Variants in SAMD9L observed in about 807,000 individuals in gnomAD.
SAMD9L encodes the protein sterile alpha motif domain-containing protein 9-like.
In SAMD9L, 68 loss-of-function variants were observed where a neutral mutation model predicts 90.7. The observed-to-expected ratio is 0.75, with a 90% CI of 0.62 to 0.92. SAMD9L has a LOEUF of 0.92. Ranked by LOEUF, SAMD9L falls within the 40% of genes least tolerant of loss-of-function variation. The pLI is 0.00. For synonymous variants in SAMD9L, 640 were observed against 630.1 expected (o/e 1.02, Z -0.23); for missense variants, 1,604 against 1,824.3 (o/e 0.88, Z 2.20).
chr7:93,140,865 A>G (rs1792662585), intron 4 of SAMD9L, among the ~76,000 whole-genome samples: 1 of 152,084 alleles, frequency 6.6e-6, no homozygotes. Flanking sequence ...TTCCTCATCT[A>G]CTAGATCTCC....
chr7:93,139,144 C>T (rs917325745), intron 4 of SAMD9L, among the ~76,000 whole-genome samples: 1 of 152,042 alleles, frequency 6.6e-6, no homozygotes, highest in Admixed American at 6.6e-5. Context: ...ACACTTGTGT[C>T]CTCAGATACC....
chr7:93,137,033 CAATT>C (rs1476149952), intron 4 of SAMD9L, among the ~76,000 whole-genome samples: 3 of 152,034 alleles, frequency 2.0e-5, no homozygotes, highest in Admixed American at 1.3e-4. Context: ...AAAGATAAAT[CAATT>C]AATTGGTTTA....
rs1449114567 is a variant in SAMD9L, at chr7:93,132,655, G to A, written c.3317C>T (p.Ala1106Val). 5 of 1,613,840 alleles carry A rather than the reference G, an allele frequency of 3.1e-6. No homozygotes were observed. The highest frequency in any genetic ancestry group is 4.2e-6 in the Non-Finnish European group (5 of 1,179,816). ...AGGTGCTTTCATTTTGGCCTGACGT[G>A]CCCAGTCCAGAGCTGTGTTAAAGTC... ...EKDFNTALDW[A>V]RQAKMKAPKN... The change falls in exon 5 of 5, where the codon GCA becomes GTA. Residue 1106 changes from alanine (A) to valine (V), a missense_variant. Ala to Val is a moderately conservative substitution (Grantham distance 64, BLOSUM62 0). Around this residue, in one of 7 missense-constraint regions of SAMD9L, gnomAD observed 302 missense variants for 314.7 expected, o/e 0.96. Coordinates refer to ENST00000318238, the MANE Select transcript of SAMD9L (RefSeq NM_152703.5).
rs760966930 is a variant in SAMD9L at position 93,132,323 on chromosome 7, A to G, written c.3649T>C (p.Phe1217Leu). The change falls in exon 5 of 5, where the codon TTC becomes CTC. Residue 1217 changes from phenylalanine to leucine, a missense_variant. Around this residue, in one of 7 missense-constraint regions of SAMD9L, gnomAD observed 302 missense variants for 314.7 expected, o/e 0.96. Coordinates refer to ENST00000318238, the MANE Select transcript of SAMD9L (RefSeq NM_152703.5). ...TIQILQLTPFFHKENELSKKH... is the reference protein window; with the variant it reads ...TIQILQLTPFLHKENELSKKH... The stretch of plus-strand genomic sequence containing the variant: ...TTGGATAATTCATTTTCTTTGTGGA[A>G]AAAGGGAGTGAGCTGAAGAATCTGG... The G allele has an allele frequency of 2.5e-5, 40 of 1,613,682 alleles. No individual in the cohort carries two copies. Among genetic ancestry groups the G allele is most frequent in the Non-Finnish European group, 2.5e-6 (3 of 1,179,846 alleles).
Position 93,134,141 on chromosome 7 carries a change from T to TG in SAMD9L, c.1830dup (p.Thr611HisfsTer13). 1 of 1,613,940 alleles carries TG rather than the reference T, an allele frequency of 6.2e-7. No homozygotes were observed. Among genetic ancestry groups the TG allele is most frequent in the East Asian group, 2.2e-5 (1 of 44,872 alleles). ...CTGTTTACCAGTTCTATATTTAAAG[T>TG]GGAAATACTGTGGTTTGTTAGTTCA... is the stretch of plus-strand genomic sequence containing the variant. On this transcript the variant is annotated frameshift_variant, in exon 5 of 5. Transcript: ENST00000318238. LOFTEE classifies it high-confidence loss of function.
Position 93,133,096 on chromosome 7 carries a change from C to T in SAMD9L, c.2876G>A (p.Ser959Asn), listed in dbSNP as rs1792215473. 1 of 1,612,840 alleles carries T rather than the reference C, an allele frequency of 6.2e-7. No homozygotes were observed. The highest frequency in any genetic ancestry group is 1.3e-5 in the African/African-American group (1 of 74,998). ...IYTSTPWEPE[S>N]LEDKMGTYST... ...ATAAGTTCCCATCTTGTCTTCTAAG[C>T]TTTCAGGTTCCCAGGGTGTACTAGT... The change falls in exon 5 of 5, where the codon AGC becomes AAC. Residue 959 changes from serine (S) to asparagine (N), a missense_variant. Coordinates refer to ENST00000318238, the MANE Select transcript of SAMD9L (RefSeq NM_152703.5).
rs775595882 is a variant in SAMD9L, at chr7:93,131,996, C to T, written c.3976G>A (p.Glu1326Lys). ...QSKESQLLQE[E>K]NCRKKLEALR... Reference sequence around the variant, plus strand: ...GCTTCTAGCTTTTTCCTGCAATTCTCCTCCTGGAGTAATTGACTCTCTTTA... The same window carrying T: ...GCTTCTAGCTTTTTCCTGCAATTCTTCTCCTGGAGTAATTGACTCTCTTTA... Residue 1326 changes from glutamate (E) to lysine (K), a missense_variant, in exon 5 of 5, where the codon GAG (glutamate) becomes AAG (lysine). Coordinates refer to ENST00000318238, the MANE Select transcript of SAMD9L (RefSeq NM_152703.5). 9 of 1,612,426 alleles carry T rather than the reference C, an allele frequency of 5.6e-6. No individual in the cohort carries two copies. The Admixed American group carries it at 1.0e-4, about 18-fold the overall frequency.
chr7:93,142,846 C>T (rs1337889278), intron 4 of SAMD9L, among the ~76,000 whole-genome samples: 1 of 152,180 alleles, frequency 6.6e-6, no homozygotes, highest in African/African-American at 2.4e-5. Context: ...TAGCCAGTGT[C>T]CTCTCTCAGT....
rs535880866 is a variant in SAMD9L, at chr7:93,132,409, C to A, written c.3563G>T (p.Arg1188Leu). Reference sequence around the variant, plus strand: ...ACAAGCTGTGTTATACATGTCATATCGTCTCTGGGACTTCTGTGGTGACCA... The same window carrying A: ...ACAAGCTGTGTTATACATGTCATATAGTCTCTGGGACTTCTGTGGTGACCA... Reference protein sequence around the residue: ...ENWSPQKSQRRYDMYNTACFL... With the variant: ...ENWSPQKSQRLYDMYNTACFL... The change falls in exon 5 of 5, where the codon CGA becomes CTA. Residue 1188 changes from arginine to leucine, a missense_variant. Coordinates refer to ENST00000318238, the MANE Select transcript of SAMD9L (RefSeq NM_152703.5). 6.2e-7 allele frequency: 1 copy of A among 1,613,720 alleles called. No homozygotes were observed. Among genetic ancestry groups the A allele is most frequent in the Non-Finnish European group, 8.5e-7 (1 of 1,179,790 alleles).
rs749149745 is a variant in SAMD9L at position 93,134,807 on chromosome 7, T to A, written c.1165A>T (p.Met389Leu). 1 of 1,613,760 alleles carries A rather than the reference T, an allele frequency of 6.2e-7. No individual in the cohort carries two copies. Among genetic ancestry groups the A allele is most frequent in the Admixed American group, 1.7e-5 (1 of 59,996 alleles). ...EAEEEYGMKA[M>L]KKESEGLKLV... ...TTTAGTCCTTCACTCTCCTTCTTCATTGCCTTCATTCCATACTCTTCTTCA... is the reference window on the plus strand; with the variant it reads ...TTTAGTCCTTCACTCTCCTTCTTCAATGCCTTCATTCCATACTCTTCTTCA... The change falls in exon 5 of 5, where the codon ATG (methionine) becomes TTG (leucine). Residue 389 changes from methionine (M) to leucine (L), a missense_variant. By Grantham distance (15) the Met-to-Leu change is conservative. Transcript: ENST00000318238.
intron 4 of SAMD9L, among the ~76,000 whole-genome samples, chr7:93,136,565 G>T (rs184383833): frequency 3.2e-4 from 48 of 152,294 alleles, no homozygotes; most frequent in Non-Finnish European, 6.0e-4. Flanking sequence ...GCTAATTCTT[G>T]TGTTCTCAGA....
rs759843182 is a variant in SAMD9L at position 93,135,592 on chromosome 7, C to G, written c.380G>C (p.Arg127Thr). The change falls in exon 5 of 5, where the codon AGA becomes ACA. Residue 127 changes from arginine (R) to threonine (T), a missense_variant. By Grantham distance (71) the Arg-to-Thr change is moderately conservative. Coordinates refer to ENST00000318238, the MANE Select transcript of SAMD9L (RefSeq NM_152703.5). ...SNIDYDPREI[R>T]DIKQEESILM... Reference sequence around the variant, plus strand: ...AATTGATTCTTCTTGTTTGATATCTCTGATCTCTCTGGGATCATAATCAAT... The same window carrying G: ...AATTGATTCTTCTTGTTTGATATCTGTGATCTCTCTGGGATCATAATCAAT... 1.9e-6 allele frequency: 3 copies of G among 1,613,786 alleles called. No individual in the cohort carries two copies. The highest frequency in any genetic ancestry group is 8.5e-7 in the Non-Finnish European group (1 of 1,179,888).
At position 93,133,901 on chromosome 7, in the gene SAMD9L, C is replaced by T. The variant is rs762457851; in HGVS notation, c.2071G>A (p.Gly691Ser). ...KSKEEHFYRG[G>S]KVSWWNFYFS... ...TAGAAGTTCCACCAGGATACTTTGC[C>T]ACCTCGATAAAAGTGTTCTTCTTTT... Residue 691 changes from glycine to serine, a missense_variant, in exon 5 of 5, where the codon GGC becomes AGC. By Grantham distance (56) the Gly-to-Ser change is moderately conservative (BLOSUM62 0). This residue lies in a region of SAMD9L where 606 missense variants were observed against 717.6 expected (regional missense o/e 0.84). Coordinates refer to ENST00000318238, the MANE Select transcript of SAMD9L (RefSeq NM_152703.5). 6.2e-7 allele frequency: 1 copy of T among 1,613,754 alleles called. No individual in the cohort carries two copies. Among genetic ancestry groups the T allele is most frequent in the Non-Finnish European group, 8.5e-7 (1 of 1,179,872 alleles).
intron 1 of SAMD9L, among the ~76,000 whole-genome samples, chr7:93,147,466 G>C (rs1792936945): frequency 6.6e-6 from 1 of 152,172 alleles, no homozygotes; most frequent in Non-Finnish European, 1.5e-5. Context: ...AACTCTCAGG[G>C]ACAAGCCCAC....
chr7:93,138,101 A>G (rs1174982042), intron 4 of SAMD9L, among the ~76,000 whole-genome samples: 1 of 152,160 alleles, frequency 6.6e-6, no homozygotes, highest in Non-Finnish European at 1.5e-5. Flanking sequence ...GATCACAACT[A>G]GTCCTGGGCC....
Position 93,132,476 on chromosome 7 carries a change from A to T in SAMD9L, c.3496T>A (p.Ser1166Thr). 4 of 1,613,636 alleles carry T rather than the reference A, an allele frequency of 2.5e-6. No homozygotes were observed. The highest frequency in any genetic ancestry group is 3.4e-6 in the Non-Finnish European group (4 of 1,179,758). Residue 1166 changes from serine to threonine, a missense_variant, in exon 5 of 5, where the codon TCC becomes ACC. Physicochemically the swap from Ser to Thr is moderately conservative, Grantham distance 58 (BLOSUM62 1). This residue lies in a region of SAMD9L where 302 missense variants were observed against 314.7 expected (regional missense o/e 0.96). Transcript: ENST00000318238. ...TTTTTACTATCAGTTTGCCTTTGGGATTCTTTGAAAGCTCTTGAGGCTTTT... is the reference window on the plus strand; with the variant it reads ...TTTTTACTATCAGTTTGCCTTTGGGTTTCTTTGAAAGCTCTTGAGGCTTTT... ...AEKASRAFKE[S>T]QRQTDSKNYE...
intron 4 of SAMD9L, among the ~76,000 whole-genome samples, chr7:93,143,165 T>C (rs1792759004): frequency 6.6e-6 from 1 of 152,202 alleles, no homozygotes; most frequent in Non-Finnish European, 1.5e-5. Context: ...AGAAACACCC[T>C]TCTCAAATAG....
In SAMD9L at chr7:93,134,063, CG is replaced by C. The variant is rs1363350495; in HGVS notation, c.1908del (p.Ala637ProfsTer9). The C allele has an allele frequency of 4.3e-6, 7 of 1,613,652 alleles. No individual in the cohort carries two copies. The Admixed American group carries it at 1.2e-4, about 27-fold the overall frequency. On this transcript the variant is annotated frameshift_variant, in exon 5 of 5. Coordinates refer to ENST00000318238, the MANE Select transcript of SAMD9L (RefSeq NM_152703.5). LOFTEE classifies it high-confidence loss of function. ...SVTRSSRRFLPARGSSSVILE... is the reference protein window; with the variant it reads ...SVTRSSRRFLXARGSSSVILE... ...AGGATAACTGAAGAAGATCCACGGG[CG>C]GGCAAAAACCTTCTTGATGACCGAG...
chr7:93,130,856 C>T lies in SAMD9L; in HGVS notation c.*361G>A. 1 of 160,506 alleles carries T rather than the reference C, an allele frequency of 6.2e-6. No individual in the cohort carries two copies. The highest frequency in any genetic ancestry group is 1.4e-5 in the Non-Finnish European group (1 of 74,052). 9.9% of individuals were successfully genotyped at this position (160,506 alleles called of 1,614,324 possible). On this transcript the variant is annotated 3_prime_UTR_variant, in exon 5 of 5. Coordinates refer to ENST00000318238, the MANE Select transcript of SAMD9L (RefSeq NM_152703.5). ...TCTTTTACATTCATCTTATTTAAAT[C>T]TTTGCTGTCACAGTGAAGAAATAAT...
Sources: allele counts gnomAD v4.1 joint callset (sites outside exome capture counted in the v4.1 genomes callset), GRCh38; gene constraint gnomAD v4.1.1; regional missense constraint gnomAD v4.1.1; transcripts MANE v1.5; gene names NCBI Gene and HGNC (gene_info 2026-07-23, HGNC 2026-07-21).